ACTR10: variants seen among roughly 807,000 people sequenced by gnomAD.
ACTR10 encodes actin related protein 10, also known as actin-related protein 10.
Under a neutral mutation model 56.2 loss-of-function variants are expected in ACTR10, and 43 were observed. The ratio of observed to expected loss-of-function variants is 0.77; its 90% CI spans 0.60 to 0.99. The LOEUF is 0.99. Among genes scored for constraint, ACTR10 ranks in the 50% least tolerant of loss-of-function variants. ACTR10 has a pLI of 0.00. For synonymous variants in ACTR10, 170 were observed against 176.3 expected (o/e 0.96, Z 0.28); for missense variants, 466 against 507.8 (o/e 0.92, Z 0.79).
At chr14:58,214,241 C>T (rs1261133028) in intron 6 of ACTR10, among the ~76,000 whole-genome samples, 2 of 152,084 alleles carry the variant, frequency 1.3e-5, no homozygotes, top group Non-Finnish European at 2.9e-5. Context: ...CTGTTTAGAT[C>T]CCACAAATAA....
At chr14:58,204,366 A>C (rs1227478436) in intron 2 of ACTR10, among the ~76,000 whole-genome samples, 2 of 152,082 alleles carry the variant, frequency 1.3e-5, no homozygotes, top group Admixed American at 6.6e-5. Flanking sequence ...CCTGGGCGAC[A>C]GAGCGAGACT....
At chr14:58,220,291 AATAG>A (rs1412144414) in intron 8 of ACTR10, among the ~76,000 whole-genome samples, 2 of 152,218 alleles carry the variant, frequency 1.3e-5, no homozygotes, top group South Asian at 2.1e-4. Flanking sequence ...TAGGATGTTT[AATAG>A]ATAGACAGTA....
chr14:58,200,206 T>C lies in ACTR10; in HGVS notation c.-12T>C, dbSNP rs187781198. Reference sequence around the variant, plus strand: ...AGACTGCGACCCTCTTCTCTCAGTCTGCCTTACTACCATGCCGCTCTACGA... The same window carrying C: ...AGACTGCGACCCTCTTCTCTCAGTCCGCCTTACTACCATGCCGCTCTACGA... On this transcript the variant is annotated 5_prime_UTR_variant, in exon 1 of 13. Transcript: ENST00000254286. The C allele has an allele frequency of 8.3e-5, 126 of 1,514,312 alleles. No individual in the cohort carries two copies. The African/African-American group carries it at 1.1e-3, about 14-fold the overall frequency. 93.8% of individuals were successfully genotyped at this position (1,514,312 alleles called of 1,614,324 possible).
intron 2 of ACTR10, 27 bp from the exon 3 acceptor site, chr14:58,207,909 T>A: frequency 7.7e-7 from 1 of 1,294,024 alleles, no homozygotes. Flanking sequence ...TTAATATAAA[T>A]TAATAAATCA....
chr14:58,207,019 A>AT (rs1888881555), intron 2 of ACTR10: 2 of 123,274 alleles, frequency 1.6e-5, no homozygotes, highest in Non-Finnish European at 3.5e-5. Context: ...TTCAATGCTG[A>AT]ATTTTTTTTT....
intron 10 of ACTR10, among the ~76,000 whole-genome samples, chr14:58,226,031 C>T (rs1889389508): frequency 1.3e-5 from 2 of 151,704 alleles, no homozygotes; most frequent in African/African-American, 4.8e-5. Flanking sequence ...CACTTGCAAC[C>T]CCAGCACTTT....
At chr14:58,212,165 TCCATCTCA>T in intron 5 of ACTR10, among the ~76,000 whole-genome samples, 1 of 152,254 alleles carries the variant, frequency 6.6e-6, no homozygotes, top group South Asian at 2.1e-4. Flanking sequence ...TTATAATATT[TCCATCTCA>T]TAGAAGAGTT....
At chr14:58,202,972 A>C (rs1450305630) in intron 2 of ACTR10, 45 bp downstream of exon 2, 1 of 1,272,544 alleles carries the variant, frequency 7.9e-7, no homozygotes. Context: ...ATACTATAAA[A>C]TGTTTTAAAA....
intron 11 of ACTR10, chr14:58,231,067 C>A: frequency 3.6e-6 from 1 of 276,756 alleles, no homozygotes; most frequent in Non-Finnish European, 7.4e-6. Context: ...TTTTTTTTCT[C>A]TTTTTTTGAC....
chr14:58,234,082 C>A (rs535798469), intron 12 of ACTR10, among the ~76,000 whole-genome samples: 1 of 152,144 alleles, frequency 6.6e-6, no homozygotes, highest in African/African-American at 2.4e-5. Flanking sequence ...AAAATACTTT[C>A]ACTCCACTCT....
chr14:58,213,831 G>GTAAT (rs1889062016), intron 6 of ACTR10, 133 bp downstream of exon 6: 1 of 611,098 alleles, frequency 1.6e-6, no homozygotes. Context: ...CCCTCTATTA[G>GTAAT]CTTCGAGTAT....
chr14:58,233,028 G>A (rs1281696886), intron 12 of ACTR10, among the ~76,000 whole-genome samples: 2 of 151,666 alleles, frequency 1.3e-5, no homozygotes, highest in Non-Finnish European at 2.9e-5. Flanking sequence ...CCGCCACCAC[G>A]CCTGGCTAAG....
At chr14:58,227,385 C>T (rs1443255211) in intron 10 of ACTR10, among the ~76,000 whole-genome samples, 9 of 152,086 alleles carry the variant, frequency 5.9e-5, no homozygotes, top group Non-Finnish European at 1.2e-4. Context: ...AAACAGAATC[C>T]ATCTAGTTAT....
chr14:58,203,227 G>A (rs1369752014), intron 2 of ACTR10, among the ~76,000 whole-genome samples: 12 of 151,380 alleles, frequency 7.9e-5, no homozygotes, highest in Non-Finnish European at 1.5e-4. Flanking sequence ...GCTTGAACCC[G>A]GGAGGCGGAG....
chr14:58,234,348 A>T (rs1448487551), intron 12 of ACTR10, 22 bp from the exon 13 acceptor site: 2 of 1,525,982 alleles, frequency 1.3e-6, no homozygotes, highest in African/African-American at 2.8e-5. Flanking sequence ...TCTTAGCTAT[A>T]AAAAATATTT....
intron 10 of ACTR10, among the ~76,000 whole-genome samples, chr14:58,228,230 T>G (rs1889445049): frequency 6.6e-6 from 1 of 152,214 alleles, no homozygotes; most frequent in Non-Finnish European, 1.5e-5. Flanking sequence ...ATCCTTGAGG[T>G]CCAGGATGGC....
In ACTR10 at chr14:58,235,129, C is replaced by G. The variant is rs1422338252; in HGVS notation, c.*578C>G. ...CACTGTACCAGCCTATGTTGCTTGT[C>G]TTTCAAAAAGAACAGTATTTCTCCA... On this transcript the variant is annotated 3_prime_UTR_variant, in exon 13 of 13. Coordinates refer to ENST00000254286, the MANE Select transcript of ACTR10 (RefSeq NM_018477.3). 6.6e-6 allele frequency: 1 copy of G among 152,118 alleles called. No homozygotes were observed. The highest frequency in any genetic ancestry group is 6.6e-5 in the Admixed American group (1 of 15,252). 9.4% of individuals were successfully genotyped at this position (152,118 alleles called of 1,614,324 possible). A position where few individuals can be genotyped will look rare whatever the true frequency, so the allele number is the denominator to read the frequency against.
intron 2 of ACTR10, among the ~76,000 whole-genome samples, chr14:58,203,473 T>C (rs1888779701): frequency 6.6e-6 from 1 of 152,116 alleles, no homozygotes; most frequent in African/African-American, 2.4e-5. Context: ...TAGAATGTTT[T>C]CATCACCCCA....
At chr14:58,200,957 T>C (rs1888690702) in intron 1 of ACTR10, among the ~76,000 whole-genome samples, 1 of 152,202 alleles carries the variant, frequency 6.6e-6, no homozygotes, top group Non-Finnish European at 1.5e-5. Flanking sequence ...TGCACAAATC[T>C]TAAGGTACTT....
Sources: allele counts gnomAD v4.1 joint callset (sites outside exome capture counted in the v4.1 genomes callset), GRCh38; gene constraint gnomAD v4.1.1; transcripts MANE v1.5; gene names NCBI Gene and HGNC (gene_info 2026-07-23, HGNC 2026-07-21).